MRPS28: variants seen among roughly 807,000 people sequenced by gnomAD.
The protein encoded by MRPS28 is mitochondrial ribosomal protein S28, also known as small ribosomal subunit protein bS1m.
Under a neutral mutation model 10.8 loss-of-function variants are expected in MRPS28, and 7 were observed. The observed-to-expected ratio is 0.65, with a 90% CI of 0.37 to 1.22. MRPS28 has a LOEUF of 1.22. MRPS28 is among the 50% of genes most tolerant of loss of function. MRPS28 has a pLI of 0.02. For missense variants in MRPS28, 265 were observed against 232.9 expected, an observed-to-expected ratio of 1.14 and a Z score of -0.90; for synonymous variants, 121 against 93.3, an observed-to-expected ratio of 1.30 and a Z score of -1.71.
intron 2 of MRPS28, among the ~76,000 whole-genome samples, chr8:79,988,294 G>T (rs1480109006): frequency 1.9e-5 from 2 of 103,122 alleles, no homozygotes; most frequent in Non-Finnish European, 1.8e-5. Context: ...AGGGGGGAGG[G>T]ATAGCTTTAG....
intron 2 of MRPS28, among the ~76,000 whole-genome samples, chr8:79,971,620 T>C (rs1491003791): frequency 6.6e-6 from 1 of 152,218 alleles, no homozygotes; most frequent in Non-Finnish European, 1.5e-5. Flanking sequence ...CAATATGTAG[T>C]CCTTTGTGAC....
chr8:80,016,920 G>C (rs1202047361), intron 1 of MRPS28, among the ~76,000 whole-genome samples: 3 of 152,156 alleles, frequency 2.0e-5, no homozygotes, highest in Non-Finnish European at 4.4e-5. Flanking sequence ...TCAGGATATA[G>C]CTGAACTCAA....
intron 2 of MRPS28, among the ~76,000 whole-genome samples, chr8:79,982,204 A>C (rs1448839982): frequency 6.6e-6 from 1 of 152,170 alleles, no homozygotes; most frequent in Non-Finnish European, 1.5e-5. Context: ...TCAAGATCGC[A>C]CCACTGCATT....
In MRPS28 at chr8:79,985,650, C is replaced by T. The variant is rs533807112; in HGVS notation, c.395+17349G>A. ...ACATCAGAGAATACTATAAACACCT[C>T]TACGCAAATAAACTAGAAAATCTAG... On this transcript the variant is annotated intron_variant, in intron 2 of 2. Transcript: ENST00000276585. 7.4e-3 allele frequency among the ~76,000 whole-genome samples: 1,123 copies of T among 152,326 alleles called. 11 individuals carry two copies. The highest frequency in any genetic ancestry group is 0.025 in the African/African-American group (1,058 of 41,568).
At position 79,946,638 on chromosome 8, in the gene MRPS28, T is replaced by A. The variant is rs149023531; in HGVS notation, c.396-27490A>T. On this transcript the variant is annotated intron_variant, in intron 2 of 2. Transcript: ENST00000276585. ...TATATTTACAATGATTATCTCTGAG[T>A]GGTAGGATTTTGTTCTTTTCGCTCC... Among the ~76,000 whole-genome samples, 470 of 152,176 alleles carry A rather than the reference T, an allele frequency of 3.1e-3. 2 individuals carry two copies. Among genetic ancestry groups the A allele is most frequent in the African/African-American group, 0.01 (426 of 41,546 alleles).
At chr8:79,929,329 A>C (rs1442178554) in intron 2 of MRPS28, among the ~76,000 whole-genome samples, 1 of 152,162 alleles carries the variant, frequency 6.6e-6, no homozygotes, top group Non-Finnish European at 1.5e-5. Context: ...CTAATGTATA[A>C]TCTGCATAAT....
chr8:79,945,969 A>G (rs371806526), intron 2 of MRPS28, among the ~76,000 whole-genome samples: 121 of 152,312 alleles, frequency 7.9e-4, no homozygotes, highest in African/African-American at 2.7e-3. Flanking sequence ...TACTGTAAAG[A>G]AAGAGATTAC....
chr8:80,014,591 A>T (rs1205297184), intron 1 of MRPS28, among the ~76,000 whole-genome samples: 1 of 152,196 alleles, frequency 6.6e-6, no homozygotes, highest in Non-Finnish European at 1.5e-5. Flanking sequence ...GCTGCTGTTT[A>T]CTCATCTTAT....
intron 2 of MRPS28, among the ~76,000 whole-genome samples, chr8:79,944,646 A>G (rs1025407926): frequency 8.6e-5 from 13 of 151,880 alleles, no homozygotes; most frequent in African/African-American, 3.1e-4. Context: ...TAAGATATGC[A>G]TTGAACACTG....
chr8:79,919,870 C>A (rs528648953), intron 2 of MRPS28, among the ~76,000 whole-genome samples: 1 of 152,002 alleles, frequency 6.6e-6, no homozygotes, highest in Non-Finnish European at 1.5e-5. Flanking sequence ...CATATGTATA[C>A]ATGTGCCATG....
intron 2 of MRPS28, among the ~76,000 whole-genome samples, chr8:79,934,603 A>G (rs1383204305): frequency 6.6e-6 from 1 of 152,268 alleles, no homozygotes; most frequent in African/African-American, 2.4e-5. Context: ...ACAAGAACAG[A>G]TAATACTGGC....
intron 2 of MRPS28, among the ~76,000 whole-genome samples, chr8:79,980,574 T>G (rs955178376): frequency 1.3e-5 from 2 of 152,228 alleles, no homozygotes; most frequent in African/African-American, 4.8e-5. Context: ...AACAGGTTAC[T>G]ACAGCCTCTT....
At chr8:79,944,814 T>C (rs1389855952) in intron 2 of MRPS28, among the ~76,000 whole-genome samples, 1 of 151,576 alleles carries the variant, frequency 6.6e-6, no homozygotes, top group Admixed American at 6.6e-5. Flanking sequence ...CCATCTCAGC[T>C]TCCTGAGTAG....
intron 2 of MRPS28, among the ~76,000 whole-genome samples, chr8:79,936,750 A>T (rs1307606891): frequency 2.6e-5 from 4 of 152,248 alleles, no homozygotes; most frequent in Admixed American, 6.5e-5. Context: ...CAACCCTTTT[A>T]AAAAATCTGT....
chr8:79,982,063 A>G (rs1365252876), intron 2 of MRPS28, among the ~76,000 whole-genome samples: 1 of 152,206 alleles, frequency 6.6e-6, no homozygotes, highest in Non-Finnish European at 1.5e-5. Context: ...CCTGGCCAAC[A>G]TGGTGAAACC....
chr8:79,992,570 T>A (rs1346343385), intron 2 of MRPS28, among the ~76,000 whole-genome samples: 3 of 152,242 alleles, frequency 2.0e-5, no homozygotes, highest in Non-Finnish European at 1.5e-5. Flanking sequence ...GTGCTATACG[T>A]TTATATCTTT....
intron 2 of MRPS28, among the ~76,000 whole-genome samples, chr8:79,953,001 T>C (rs1284766251): frequency 6.6e-6 from 1 of 152,154 alleles, no homozygotes; most frequent in African/African-American, 2.4e-5. Flanking sequence ...TAAACATTCT[T>C]GAGAAGCCAT....
chr8:80,017,870 T>C (rs1443606772), intron 1 of MRPS28, among the ~76,000 whole-genome samples: 1 of 151,984 alleles, frequency 6.6e-6, no homozygotes, highest in Non-Finnish European at 1.5e-5. Flanking sequence ...CAACAACATA[T>C]AAAAATTATA....
At chr8:79,985,249 C>T (rs1808118266) in intron 2 of MRPS28, among the ~76,000 whole-genome samples, 1 of 152,100 alleles carries the variant, frequency 6.6e-6, no homozygotes, top group East Asian at 1.9e-4. Flanking sequence ...CACAACATAC[C>T]GGAATCTCTG....
Sources: allele counts gnomAD v4.1 joint callset (sites outside exome capture counted in the v4.1 genomes callset), GRCh38; gene constraint gnomAD v4.1.1; transcripts MANE v1.5; gene names NCBI Gene and HGNC (gene_info 2026-07-23, HGNC 2026-07-21).